Variants in CSF2RA observed in about 807,000 individuals in gnomAD.
CSF2RA encodes granulocyte-macrophage colony-stimulating factor receptor subunit alpha.
CSF2RA carries 42 observed loss-of-function variants against 51.6 expected under a neutral mutation model. The ratio of observed to expected loss-of-function variants is 0.81; its 90% CI spans 0.64 to 1.05. CSF2RA has a LOEUF of 1.05. CSF2RA is among the 50% of genes least tolerant of loss of function. The probability of loss-of-function intolerance (pLI) is 0.00; values close to 1 mark genes in which losing one functional copy is unlikely to be tolerated. For synonymous variants in CSF2RA, 222 were observed against 193.0 expected (o/e 1.15, Z -1.24); for missense variants, 530 against 501.1 (o/e 1.06, Z -0.55).
intron 1 of CSF2RA, among the ~76,000 whole-genome samples, chrX:1,269,163 C>A (rs2087997128): frequency 6.6e-6 from 1 of 151,872 alleles, no homozygotes; most frequent in South Asian, 2.1e-4. Context: ...AGGGAGGGGG[C>A]TTCTGTGAAG....
At chrX:1,275,167 G>A (rs1311682050) in intron 2 of CSF2RA, among the ~76,000 whole-genome samples, 1 of 151,762 alleles carries the variant, frequency 6.6e-6, no homozygotes, top group Non-Finnish European at 1.5e-5. Context: ...CTGAGGCGGG[G>A]GGATCATGAG....
At chrX:1,306,106 A>G (rs1157991531) in intron 12 of CSF2RA, among the ~76,000 whole-genome samples, 1 of 151,616 alleles carries the variant, frequency 6.6e-6, no homozygotes, top group Non-Finnish European at 1.5e-5. Flanking sequence ...GGTAGAGAGG[A>G]GAGGCAGAAA....
intron 12 of CSF2RA, among the ~76,000 whole-genome samples, chrX:1,307,698 GCCCAC>G (rs2083773818): frequency 7.1e-6 from 1 of 140,932 alleles, no homozygotes. Flanking sequence ...ATTAGATGAG[GCCCAC>G]CCTCCCCTTT....
chrX:1,287,347 T>A (rs1408026087), intron 4 of CSF2RA: 4 of 148,964 alleles, frequency 2.7e-5, no homozygotes, highest in African/African-American at 1.0e-4. Context: ...AGAGACGGGG[T>A]TTCACCATGT....
At chrX:1,291,278 TTTTCTTC>T (rs374291450) in intron 7 of CSF2RA, among the ~76,000 whole-genome samples, 17,954 of 56,680 alleles carry the variant, frequency 0.32, 1,300 homozygotes, top group South Asian at 0.47. Flanking sequence ...CTTTCTTCTT[TTTTCTTC>T]CTTCCTTCCT....
downstream of CSF2RA, among the ~76,000 whole-genome samples, chrX:1,312,606 G>A (rs1183697563): frequency 6.6e-6 from 1 of 152,068 alleles, no homozygotes; most frequent in Non-Finnish European, 1.5e-5. Context: ...TGCCTCCCAC[G>A]ATCAGTGAGT....
At position 1,269,829 on chromosome X, in the gene CSF2RA, C is replaced by A. The variant is rs1240537504; in HGVS notation, c.-91+950C>A. 4.0e-5 allele frequency among the ~76,000 whole-genome samples: 6 copies of A among 151,756 alleles called. 1 individual carries two copies. Among genetic ancestry groups the A allele is most frequent in the African/African-American group, 1.5e-4 (6 of 41,326 alleles). Reference sequence around the variant, plus strand: ...GCTTATTAAGATAGTAAAGGGGGGCCGGGCACGGTGGCTCATGCCTGTAAT... The same window carrying A: ...GCTTATTAAGATAGTAAAGGGGGGCAGGGCACGGTGGCTCATGCCTGTAAT... On this transcript the variant is annotated intron_variant, in intron 1 of 12. Coordinates refer to ENST00000381529, the MANE Select transcript of CSF2RA (RefSeq NM_172245.4).
intron 1 of CSF2RA, among the ~76,000 whole-genome samples, chrX:1,273,147 C>T (rs1461629198): frequency 6.6e-6 from 1 of 151,824 alleles, no homozygotes; most frequent in Non-Finnish European, 1.5e-5. Flanking sequence ...TGCCCAAATT[C>T]CTATCTAAGA....
At chrX:1,315,580 T>C in the CSF2RA span, among the ~76,000 whole-genome samples, 2 of 152,004 alleles carry the variant, frequency 1.3e-5, no homozygotes, top group African/African-American at 4.8e-5. Flanking sequence ...ATTTTTTATA[T>C]TTTTTGTAGA....
At chrX:1,300,331 A>G (rs2092285400) in intron 9 of CSF2RA, 160 bp from the exon 10 acceptor site, 3 of 852,536 alleles carry the variant, frequency 3.5e-6, no homozygotes, top group Non-Finnish European at 5.6e-6. Flanking sequence ...TTAGCTTCGA[A>G]GACCCGATCA....
intron 2 of CSF2RA, among the ~76,000 whole-genome samples, chrX:1,280,428 A>G (rs1297917047): frequency 1.5e-4 from 23 of 148,608 alleles, no homozygotes; most frequent in East Asian, 1.0e-3. Context: ...CCAAGATTGC[A>G]CCACTGCACT....
downstream of CSF2RA, among the ~76,000 whole-genome samples, chrX:1,312,216 G>A (rs1176436463): frequency 3.3e-5 from 5 of 152,098 alleles, no homozygotes; most frequent in Admixed American, 3.3e-4. Context: ...TGGGATTACA[G>A]GTGTGAACCA....
At chrX:1,292,071 C>A (rs2091457168) in intron 7 of CSF2RA, among the ~76,000 whole-genome samples, 1 of 145,086 alleles carries the variant, frequency 6.9e-6, no homozygotes, top group South Asian at 2.2e-4. Flanking sequence ...CACTTGGACC[C>A]AGTGTAGACA....
At chrX:1,322,427 CTG>C in the CSF2RA span, among the ~76,000 whole-genome samples, 14 of 135,232 alleles carry the variant, frequency 1.0e-4, no homozygotes, top group Non-Finnish European at 1.4e-4. Flanking sequence ...ACCATCTTAA[CTG>C]TGTGTGTTTG....
chrX:1,317,137 A>C, the CSF2RA span, among the ~76,000 whole-genome samples: 2 of 148,776 alleles, frequency 1.3e-5, no homozygotes, highest in Non-Finnish European at 3.0e-5. Context: ...TTTAGTAGAG[A>C]CGAGGTTTCA....
Position 1,295,347 on chromosome X carries a change from G to A in CSF2RA, c.781-80G>A, listed in dbSNP as rs1455084849. ...CCTTCCCATTCGGTGCCCACACCAG[G>A]GGAGACACTGTGTGAACCATCTACA... On this transcript the variant is annotated intron_variant, in intron 8 of 12. Coordinates refer to ENST00000381529, the MANE Select transcript of CSF2RA (RefSeq NM_172245.4). 4.4e-6 allele frequency: 7 copies of A among 1,578,082 alleles called. No individual in the cohort carries two copies. In the African/African-American group the frequency reaches 6.7e-5, roughly 15 times the overall value.
chrX:1,314,588 C>A (rs758654381), downstream of CSF2RA, among the ~76,000 whole-genome samples: 59 of 36,564 alleles, frequency 1.6e-3, 6 homozygotes, highest in Admixed American at 2.2e-3. Context: ...CCCAACCCCA[C>A]TGCACCTGCC....
At chrX:1,301,153 A>G (rs1193491971) in intron 10 of CSF2RA, among the ~76,000 whole-genome samples, 1 of 138,940 alleles carries the variant, frequency 7.2e-6, no homozygotes, top group Non-Finnish European at 1.6e-5. Flanking sequence ...ACTCCGTCTC[A>G]AAAAAAAAAA....
At chrX:1,314,533 GCACCTGCCCAATCC>G (rs2084408717), downstream of CSF2RA, among the ~76,000 whole-genome samples, 2 of 121,006 alleles carry the variant, frequency 1.7e-5, no homozygotes, top group African/African-American at 6.9e-5. Context: ...CAATCCCACT[GCACCTGCCCAATCC>G]CACTGCACCT....
Sources: gnomAD v4.1 joint callset for allele counts (sites outside exome capture counted in the v4.1 genomes callset) on GRCh38, gnomAD v4.1.1 for gene constraint, MANE v1.5 for transcripts, NCBI Gene and HGNC (gene_info 2026-07-23, HGNC 2026-07-21) for gene names.